The following DIAPH3 variants were observed in gnomAD, a reference collection of about 807,000 sequenced individuals.
The protein encoded by DIAPH3 is protein diaphanous homolog 3.
A neutral mutation model predicts 144.3 loss-of-function variants in DIAPH3; 117 were observed. The ratio of observed to expected loss-of-function variants is 0.81; its 90% CI spans 0.70 to 0.95. The LOEUF (loss-of-function observed/expected upper bound fraction) is 0.95, where lower values mean the gene tolerates loss of function less well. DIAPH3 is among the 40% of genes least tolerant of loss of function. DIAPH3 has a pLI of 0.00. For synonymous variants in DIAPH3, 519 were observed against 488.9 expected (o/e 1.06, Z -0.81); for missense variants, 1,421 against 1,412.7 (o/e 1.01, Z -0.09).
intron 25 of DIAPH3, among the ~76,000 whole-genome samples, chr13:59,796,023 G>GA (rs1374577096): frequency 1.3e-5 from 2 of 152,070 alleles, no homozygotes; most frequent in Non-Finnish European, 2.9e-5. Flanking sequence ...AGTCCAAGGA[G>GA]AAAAAAGATT....
At chr13:59,987,625 G>C (rs934702253) in intron 12 of DIAPH3, among the ~76,000 whole-genome samples, 7 of 150,732 alleles carry the variant, frequency 4.6e-5, no homozygotes, top group African/African-American at 1.7e-4. Context: ...ATTTCCTCTT[G>C]TAAAGCATAA....
intron 5 of DIAPH3, among the ~76,000 whole-genome samples, chr13:60,020,521 C>G (rs1039475637): frequency 6.6e-6 from 1 of 152,132 alleles, no homozygotes; most frequent in African/African-American, 2.4e-5. Flanking sequence ...GCATGTGTCA[C>G]CACATTCAGC....
intron 14 of DIAPH3, among the ~76,000 whole-genome samples, chr13:59,976,429 T>A (rs2050684281): frequency 6.6e-6 from 1 of 151,910 alleles, no homozygotes; most frequent in African/African-American, 2.4e-5. Flanking sequence ...CCAGCCATTT[T>A]AAAAAGTACA....
chr13:59,917,927 A>G (rs1176045217), intron 18 of DIAPH3, among the ~76,000 whole-genome samples: 2 of 149,284 alleles, frequency 1.3e-5, no homozygotes, highest in African/African-American at 2.4e-5. Context: ...AGTAAGTAGA[A>G]ATTTATAAAA....
At chr13:59,887,029 G>C (rs571563922) in intron 20 of DIAPH3, among the ~76,000 whole-genome samples, 1 of 152,042 alleles carries the variant, frequency 6.6e-6, no homozygotes. Flanking sequence ...ATAACTCCAG[G>C]TTTCTCATGG....
intron 4 of DIAPH3, among the ~76,000 whole-genome samples, chr13:60,045,118 G>A (rs1334562868): frequency 6.6e-6 from 1 of 152,108 alleles, no homozygotes; most frequent in Non-Finnish European, 1.5e-5. Flanking sequence ...GAGGCGGGCG[G>A]ATCACCTGAG....
At chr13:59,873,692 T>C (rs2044421686) in intron 21 of DIAPH3, among the ~76,000 whole-genome samples, 1 of 151,072 alleles carries the variant, frequency 6.6e-6, no homozygotes, top group South Asian at 2.1e-4. Flanking sequence ...TTTTTTTTTT[T>C]TTTCACTCTT....
intron 17 of DIAPH3, among the ~76,000 whole-genome samples, chr13:59,928,202 T>C (rs963917048): frequency 1.3e-5 from 2 of 152,288 alleles, no homozygotes; most frequent in African/African-American, 2.4e-5. Context: ...ATTTCCTTTA[T>C]TGAATTATTT....
intron 4 of DIAPH3, among the ~76,000 whole-genome samples, chr13:60,092,375 G>A (rs556444295): frequency 1.3e-5 from 2 of 152,226 alleles, no homozygotes; most frequent in African/African-American, 2.4e-5. Context: ...AAAAAAGGCC[G>A]GGCGCAGTGG....
intron 4 of DIAPH3, among the ~76,000 whole-genome samples, chr13:60,093,105 T>A (rs2058004227): frequency 6.6e-6 from 1 of 152,234 alleles, no homozygotes; most frequent in South Asian, 2.1e-4. Flanking sequence ...AGACATTTAG[T>A]CATTACTTCC....
At chr13:59,844,270 A>C (rs1332955015) in intron 22 of DIAPH3, among the ~76,000 whole-genome samples, 1 of 152,006 alleles carries the variant, frequency 6.6e-6, no homozygotes, top group Non-Finnish European at 1.5e-5. Flanking sequence ...TAAAAATCTT[A>C]ACTATATCCA....
At chr13:59,919,060 T>C (rs1197693061) in intron 18 of DIAPH3, among the ~76,000 whole-genome samples, 2 of 151,086 alleles carry the variant, frequency 1.3e-5, no homozygotes, top group East Asian at 1.9e-4. Context: ...GAGCATCAAC[T>C]GTACAAGTGA....
intron 2 of DIAPH3, among the ~76,000 whole-genome samples, chr13:60,115,055 A>G (rs1346719426): frequency 1.3e-5 from 2 of 152,242 alleles, no homozygotes; most frequent in African/African-American, 4.8e-5. Flanking sequence ...TATTCTTACA[A>G]TAAGTTAGAG....
intron 21 of DIAPH3, among the ~76,000 whole-genome samples, chr13:59,870,101 A>G (rs2044165354): frequency 6.6e-6 from 1 of 152,002 alleles, no homozygotes; most frequent in Middle Eastern, 3.4e-3. Context: ...ATAGTCTTGC[A>G]ATTTATATTT....
chr13:60,125,476 T>C (rs957149115), intron 2 of DIAPH3, among the ~76,000 whole-genome samples: 7 of 148,308 alleles, frequency 4.7e-5, no homozygotes, highest in Non-Finnish European at 1.0e-4. Context: ...TCTGGGCTCA[T>C]GCAGTCCTCC....
chr13:59,715,455 T>C (rs1200644987), intron 27 of DIAPH3, among the ~76,000 whole-genome samples: 2 of 152,180 alleles, frequency 1.3e-5, no homozygotes, highest in Non-Finnish European at 2.9e-5. Context: ...AAGTTCCTTA[T>C]AGACACATAA....
chr13:59,670,709 A>C (rs2032320994), intron 27 of DIAPH3, among the ~76,000 whole-genome samples: 1 of 151,386 alleles, frequency 6.6e-6, no homozygotes, highest in Non-Finnish European at 1.5e-5. Context: ...CAGCCTCCCG[A>C]GTAGCTGGGA....
chr13:59,935,135 C>T (rs1566540084), intron 17 of DIAPH3, among the ~76,000 whole-genome samples: 1 of 152,180 alleles, frequency 6.6e-6, no homozygotes. Flanking sequence ...TGCAACCAAA[C>T]ACAGACTGAA....
intron 17 of DIAPH3, among the ~76,000 whole-genome samples, chr13:59,942,404 C>T (rs2048581326): frequency 6.6e-6 from 1 of 151,860 alleles, no homozygotes; most frequent in Non-Finnish European, 1.5e-5. Context: ...GCAAAGTTGC[C>T]TTTTTATTTT....
Sources: allele counts gnomAD v4.1 joint callset (sites outside exome capture counted in the v4.1 genomes callset), GRCh38; gene constraint gnomAD v4.1.1; transcripts MANE v1.5; gene names NCBI Gene and HGNC (gene_info 2026-07-23, HGNC 2026-07-21).